The following CACNA1B variants were observed in gnomAD, a reference collection of about 807,000 sequenced individuals.
CACNA1B encodes the protein voltage-dependent N-type calcium channel subunit alpha-1B.
CACNA1B carries 70 observed loss-of-function variants against 247.2 expected under a neutral mutation model. The observed-to-expected ratio is 0.28, with a 90% CI of 0.23 to 0.35. The LOEUF (loss-of-function observed/expected upper bound fraction) is 0.35, where lower values mean the gene tolerates loss of function less well. CACNA1B is among the 10% of genes least tolerant of loss of function. The pLI, the probability that CACNA1B is intolerant of heterozygous loss-of-function variation, is 1.00. For missense variants in CACNA1B, 2,367 were observed against 3,197.4 expected (o/e 0.74, Z 6.26); for synonymous variants, 1,231 against 1,294.4 (o/e 0.95, Z 1.05).
intron 3 of CACNA1B, among the ~76,000 whole-genome samples, chr9:137,909,561 G>A (rs1326145555): frequency 6.6e-6 from 1 of 152,090 alleles, no homozygotes; most frequent in Non-Finnish European, 1.5e-5. Context: ...AGGAAGAACA[G>A]TTATTCATGT....
intron 42 of CACNA1B, among the ~76,000 whole-genome samples, chr9:138,117,679 C>G (rs1961920568): frequency 6.6e-6 from 1 of 152,206 alleles, no homozygotes; most frequent in African/African-American, 2.4e-5. Context: ...GCTCTGCATC[C>G]TCTCTGCCAC....
At chr9:138,047,765 G>A (rs1376972954) in intron 23 of CACNA1B, among the ~76,000 whole-genome samples, 1 of 152,234 alleles carries the variant, frequency 6.6e-6, no homozygotes, top group Non-Finnish European at 1.5e-5. Flanking sequence ...TGTGGGCGGA[G>A]GCCCTTCTTC....
chr9:138,099,578 CTG>C (rs1252720387), intron 37 of CACNA1B, among the ~76,000 whole-genome samples: 1 of 145,240 alleles, frequency 6.9e-6, no homozygotes, highest in African/African-American at 2.6e-5. Context: ...GCGTATGTGC[CTG>C]TGTGTGCCTG....
intron 36 of CACNA1B, among the ~76,000 whole-genome samples, chr9:138,092,838 T>C (rs1960923248): frequency 6.6e-6 from 1 of 152,238 alleles, no homozygotes; most frequent in South Asian, 2.1e-4. Context: ...CTGCCGTGGC[T>C]TCAGCCGGTC....
At chr9:138,039,769 G>A (rs1168190950) in intron 20 of CACNA1B, among the ~76,000 whole-genome samples, 1 of 151,810 alleles carries the variant, frequency 6.6e-6, no homozygotes, top group Non-Finnish European at 1.5e-5. Context: ...TTTCATGGTC[G>A]GCTTTTGTTC....
chr9:138,075,965 T>C (rs1960303092), intron 35 of CACNA1B, 55 bp downstream of exon 35: 1 of 1,186,334 alleles, frequency 8.4e-7, no homozygotes, highest in African/African-American at 1.5e-5. Context: ...GGGGCTGCTT[T>C]ACTCAGGATG....
intron 18 of CACNA1B, chr9:138,017,237 T>C (rs1219408488): frequency 1.9e-6 from 1 of 518,238 alleles, no homozygotes; most frequent in African/African-American, 1.9e-5. Flanking sequence ...ATCCATGGCT[T>C]CATGATAACT....
At position 137,914,882 on chromosome 9, in the gene CACNA1B, G is replaced by A; in HGVS notation, c.775+76G>A. 2 of 1,510,266 alleles carry A rather than the reference G, an allele frequency of 1.3e-6. No homozygotes were observed. The highest frequency in any genetic ancestry group is 1.8e-6 in the Non-Finnish European group (2 of 1,120,018). 93.6% of individuals were successfully genotyped at this position (1,510,266 alleles called of 1,614,324 possible). On this transcript the variant is annotated intron_variant, in intron 5 of 46. Transcript: ENST00000371372. The surrounding 1 kb of genome is among the most constrained non-coding windows in gnomAD (Gnocchi z 4.3). The stretch of plus-strand genomic sequence containing the variant: ...ATCCAGGAGATGGGCACTGTTCTAG[G>A]TGCTAGAGGGGCCTTCTTGGTGCCA...
At chr9:138,000,148 G>T (rs1030791524) in intron 15 of CACNA1B, among the ~76,000 whole-genome samples, 1 of 150,708 alleles carries the variant, frequency 6.6e-6, no homozygotes, top group African/African-American at 2.4e-5. Context: ...GCCCAGGCTG[G>T]AGTGCAGTGG....
chr9:137,978,804 G>T (rs556990123), intron 12 of CACNA1B, among the ~76,000 whole-genome samples: 1 of 152,294 alleles, frequency 6.6e-6, no homozygotes, highest in Admixed American at 6.5e-5. Flanking sequence ...CAGTTTGAGA[G>T]GAGTCAGTGG....
At chr9:137,959,104 C>T (rs1444427436) in intron 10 of CACNA1B, among the ~76,000 whole-genome samples, 2 of 151,974 alleles carry the variant, frequency 1.3e-5, no homozygotes, top group African/African-American at 4.8e-5. Context: ...AAAAATTTCG[C>T]TCTTGTTGCC....
At chr9:138,067,943 G>A (rs1280558078) in intron 31 of CACNA1B, among the ~76,000 whole-genome samples, 4 of 152,228 alleles carry the variant, frequency 2.6e-5, no homozygotes, top group African/African-American at 9.6e-5. Flanking sequence ...GTAACAGAAT[G>A]TGCCAGTTGT....
At chr9:138,046,243 A>G in intron 21 of CACNA1B, among the ~76,000 whole-genome samples, 1 of 152,222 alleles carries the variant, frequency 6.6e-6, no homozygotes, top group East Asian at 1.9e-4. Context: ...GTAGGTGCTC[A>G]GTAATGTTGA....
intron 10 of CACNA1B, among the ~76,000 whole-genome samples, chr9:137,965,006 G>A (rs369547416): frequency 1.3e-5 from 2 of 152,200 alleles, no homozygotes; most frequent in African/African-American, 4.8e-5. Context: ...GGTTTTCCCT[G>A]TACTTGGTGG....
intron 18 of CACNA1B, among the ~76,000 whole-genome samples, chr9:138,013,747 T>G (rs558121616): frequency 4.6e-5 from 7 of 152,312 alleles, no homozygotes; most frequent in Non-Finnish European, 1.0e-4. Context: ...TAGAACCATA[T>G]TTGGAGGTGT....
At chr9:138,040,319 G>A (rs1463988514) in intron 20 of CACNA1B, among the ~76,000 whole-genome samples, 1 of 151,940 alleles carries the variant, frequency 6.6e-6, no homozygotes, top group Non-Finnish European at 1.5e-5. Context: ...CATTGTTTCT[G>A]TTGTGTCTTT....
At chr9:138,109,289 A>G (rs1961543282) in intron 39 of CACNA1B, among the ~76,000 whole-genome samples, 1 of 152,268 alleles carries the variant, frequency 6.6e-6, no homozygotes. Context: ...ACAATCCTAT[A>G]CAAAAAGAGA....
At chr9:137,953,407 T>TCA (rs1957901910) in intron 7 of CACNA1B, among the ~76,000 whole-genome samples, 1 of 152,186 alleles carries the variant, frequency 6.6e-6, no homozygotes, top group Non-Finnish European at 1.5e-5. Flanking sequence ...TCTGCCACGC[T>TCA]GAGCAGGACA....
intron 39 of CACNA1B, among the ~76,000 whole-genome samples, chr9:138,109,444 T>C (rs1207696132): frequency 6.6e-6 from 1 of 152,194 alleles, no homozygotes; most frequent in African/African-American, 2.4e-5. Flanking sequence ...TTAGGCCTCT[T>C]CTCTTGGCTG....
Sources: allele counts gnomAD v4.1 joint callset (sites outside exome capture counted in the v4.1 genomes callset), GRCh38; gene constraint gnomAD v4.1.1; non-coding constraint Gnocchi (gnomAD v3.1); transcripts MANE v1.5; gene names NCBI Gene and HGNC (gene_info 2026-07-23, HGNC 2026-07-21).